Variants in ADAMTSL1 observed in about 807,000 individuals in gnomAD.
ADAMTSL1 encodes ADAMTS like 1.
A neutral mutation model predicts 201.8 loss-of-function variants in ADAMTSL1; 126 were observed. The ratio of observed to expected loss-of-function variants is 0.62; its 90% CI spans 0.54 to 0.72. The LOEUF (loss-of-function observed/expected upper bound fraction) is 0.72, where lower values mean the gene tolerates loss of function less well. ADAMTSL1 is among the 30% of genes least tolerant of loss of function. The probability of loss-of-function intolerance (pLI) is 0.00; values close to 1 mark genes in which losing one functional copy is unlikely to be tolerated. For missense variants in ADAMTSL1, 2,679 were observed against 2,277.8 expected, an observed-to-expected ratio of 1.18 and a Z score of -3.59; for synonymous variants, 1,121 against 903.4, an observed-to-expected ratio of 1.24 and a Z score of -4.32.
chr9:18,349,757 C>A (rs1835882541), intron 2 of ADAMTSL1, among the ~76,000 whole-genome samples: 1 of 152,056 alleles, frequency 6.6e-6, no homozygotes. Context: ...GCCTGAGGCA[C>A]AAGCCCTAAA....
rs74485268 is a variant in ADAMTSL1 at position 18,896,909 on chromosome 9, C to T, written c.4851+4313C>T. ...TCTGCAGGCCCCACTTAACATGGCACCTCAGAAGTTAAGACCCACTGGCTT... is the reference window on the plus strand; with the variant it reads ...TCTGCAGGCCCCACTTAACATGGCATCTCAGAAGTTAAGACCCACTGGCTT... On this transcript the variant is annotated intron_variant, in intron 26 of 28. Coordinates refer to ENST00000380548, the MANE Select transcript of ADAMTSL1 (RefSeq NM_001040272.6). Among the ~76,000 whole-genome samples, 400 of 152,182 alleles carry T rather than the reference C, an allele frequency of 2.6e-3. 2 individuals carry two copies. The highest frequency in any genetic ancestry group is 9.1e-3 in the African/African-American group (380 of 41,552).
chr9:18,003,441 A>G (rs1450382649), intron 1 of ADAMTSL1, among the ~76,000 whole-genome samples: 1 of 152,092 alleles, frequency 6.6e-6, no homozygotes. Context: ...TCTCCCGGCC[A>G]GTTCCAATGA....
chr9:18,780,621 G>C (rs979231795), intron 19 of ADAMTSL1, among the ~76,000 whole-genome samples: 2 of 152,046 alleles, frequency 1.3e-5, no homozygotes, highest in African/African-American at 4.8e-5. Flanking sequence ...TGCTCCCAGA[G>C]GCTATCATTC....
chr9:18,319,423 A>T (rs755106692), intron 2 of ADAMTSL1, among the ~76,000 whole-genome samples: 3 of 152,204 alleles, frequency 2.0e-5, no homozygotes, highest in Admixed American at 6.5e-5. Flanking sequence ...GTTATTATCA[A>T]TAACTTCACT....
At chr9:18,484,913 A>G (rs1821909129) in intron 1 of ADAMTSL1, among the ~76,000 whole-genome samples, 1 of 152,226 alleles carries the variant, frequency 6.6e-6, no homozygotes, top group African/African-American at 2.4e-5. Context: ...AGTAGAGACA[A>G]GTTTCTAATT....
intron 2 of ADAMTSL1, among the ~76,000 whole-genome samples, chr9:18,348,591 A>G (rs1278739416): frequency 6.6e-6 from 1 of 152,200 alleles, no homozygotes; most frequent in East Asian, 1.9e-4. Flanking sequence ...GACATGTTAA[A>G]TTGCATATAT....
At chr9:18,067,257 G>C (rs959712436) in intron 1 of ADAMTSL1, among the ~76,000 whole-genome samples, 1 of 152,028 alleles carries the variant, frequency 6.6e-6, no homozygotes, top group Non-Finnish European at 1.5e-5. Flanking sequence ...TAACTTTCTC[G>C]TTGTTAAGGT....
chr9:18,079,722 TAAATA>T (rs946487954), intron 1 of ADAMTSL1, among the ~76,000 whole-genome samples: 2 of 143,146 alleles, frequency 1.4e-5, no homozygotes, highest in Non-Finnish European at 3.0e-5. Context: ...AATAAATAAA[TAAATA>T]AAATAAAAAA....
At chr9:18,228,182 C>T (rs185450963) in intron 2 of ADAMTSL1, among the ~76,000 whole-genome samples, 2 of 152,290 alleles carry the variant, frequency 1.3e-5, no homozygotes, top group South Asian at 4.1e-4. Context: ...TTGGCTTCTG[C>T]ACTTGCTGTC....
At chr9:18,223,227 A>C (rs1340192153) in intron 2 of ADAMTSL1, among the ~76,000 whole-genome samples, 1 of 152,112 alleles carries the variant, frequency 6.6e-6, no homozygotes, top group Non-Finnish European at 1.5e-5. Flanking sequence ...GAGCACGAAC[A>C]TGATACTCAA....
chr9:18,108,068 T>C (rs1460000020), intron 1 of ADAMTSL1, among the ~76,000 whole-genome samples: 1 of 152,178 alleles, frequency 6.6e-6, no homozygotes, highest in Non-Finnish European at 1.5e-5. Context: ...GAAAAGTCTT[T>C]CTAGAGTGAA....
intron 3 of ADAMTSL1, among the ~76,000 whole-genome samples, chr9:18,559,145 T>G (rs537554066): frequency 6.6e-6 from 1 of 152,236 alleles, no homozygotes; most frequent in South Asian, 2.1e-4. Flanking sequence ...TTTTAGGTCT[T>G]ATGTTTAAGT....
intron 2 of ADAMTSL1, among the ~76,000 whole-genome samples, chr9:18,397,425 A>G (rs1817799681): frequency 6.6e-6 from 1 of 152,178 alleles, no homozygotes; most frequent in Admixed American, 6.6e-5. Flanking sequence ...TCCAAAAAAG[A>G]AAAAAAGCTC....
chr9:18,281,947 G>GTTAT (rs1832807182), intron 2 of ADAMTSL1, among the ~76,000 whole-genome samples: 1 of 152,058 alleles, frequency 6.6e-6, no homozygotes, highest in South Asian at 2.1e-4. Context: ...TGACCCGTAG[G>GTTAT]TTATTTATTT....
chr9:18,423,513 A>C (rs551781255), intron 2 of ADAMTSL1, among the ~76,000 whole-genome samples: 22 of 152,334 alleles, frequency 1.4e-4, no homozygotes, highest in African/African-American at 5.1e-4. Context: ...GTGAATATGT[A>C]TTCAACAAAC....
chr9:18,225,644 G>T (rs1313615296), intron 2 of ADAMTSL1, among the ~76,000 whole-genome samples: 1 of 151,784 alleles, frequency 6.6e-6, no homozygotes, highest in African/African-American at 2.4e-5. Flanking sequence ...TCAGTTATTC[G>T]CATGACTGAG....
intron 2 of ADAMTSL1, among the ~76,000 whole-genome samples, chr9:18,299,046 C>T (rs112535752): frequency 0.023 from 3,538 of 151,704 alleles, 151 homozygotes; most frequent in African/African-American, 0.078. Flanking sequence ...TAATAATAGC[C>T]GCCGTTTTTG....
chr9:18,821,784 C>G (rs563598336), intron 21 of ADAMTSL1, among the ~76,000 whole-genome samples: 7 of 152,186 alleles, frequency 4.6e-5, no homozygotes, highest in Non-Finnish European at 8.8e-5. Context: ...TGTAAAGGTG[C>G]ACCTTTGAGT....
chr9:18,444,540 G>A (rs991714760), intron 2 of ADAMTSL1, among the ~76,000 whole-genome samples: 1 of 152,046 alleles, frequency 6.6e-6, no homozygotes, highest in Admixed American at 6.6e-5. Context: ...TAGCCTATAA[G>A]GATAAAAACA....
Sources: gnomAD v4.1 joint callset for allele counts (sites outside exome capture counted in the v4.1 genomes callset) on GRCh38, gnomAD v4.1.1 for gene constraint, MANE v1.5 for transcripts, NCBI Gene and HGNC (gene_info 2026-07-23, HGNC 2026-07-21) for gene names.